HSD17B12: variants seen among roughly 807,000 people sequenced by gnomAD.
HSD17B12 encodes very-long-chain 3-oxoacyl-CoA reductase.
A neutral mutation model predicts 39.3 loss-of-function variants in HSD17B12; 32 were observed. The observed-to-expected ratio is 0.81, with a 90% CI of 0.61 to 1.09. The LOEUF (loss-of-function observed/expected upper bound fraction) is 1.09, where lower values mean the gene tolerates loss of function less well. HSD17B12 is among the 50% of genes least tolerant of loss of function. HSD17B12 has a pLI of 0.00. For missense variants in HSD17B12, 342 were observed against 382.9 expected (o/e 0.89, Z 0.89); for synonymous variants, 150 against 146.7 (o/e 1.02, Z -0.16).
At chr11:43,846,214 C>T (rs2135139662) in intron 9 of HSD17B12, among the ~76,000 whole-genome samples, 1 of 152,314 alleles carries the variant, frequency 6.6e-6, no homozygotes, top group African/African-American at 2.4e-5. Flanking sequence ...GATAAAAGCA[C>T]TCCAAGCTGG....
chr11:43,573,765 C>CCCA, the HSD17B12 span, among the ~76,000 whole-genome samples: 3 of 152,160 alleles, frequency 2.0e-5, no homozygotes, highest in Non-Finnish European at 4.4e-5. Flanking sequence ...TGTGAATGTG[C>CCCA]CCACACACAT....
At chr11:43,583,332 G>A in the HSD17B12 span, among the ~76,000 whole-genome samples, 5 of 152,182 alleles carry the variant, frequency 3.3e-5, no homozygotes, top group Admixed American at 6.5e-5. Context: ...GCACCGGAGC[G>A]AGTCCTCTCC....
At chr11:43,665,007 G>A in the HSD17B12 span, among the ~76,000 whole-genome samples, 1 of 152,194 alleles carries the variant, frequency 6.6e-6, no homozygotes, top group Admixed American at 6.5e-5. Flanking sequence ...ATCCAGATCA[G>A]AAAGAGACCC....
At chr11:43,639,979 A>G in the HSD17B12 span, among the ~76,000 whole-genome samples, 1 of 152,228 alleles carries the variant, frequency 6.6e-6, no homozygotes, top group African/African-American at 2.4e-5. Context: ...CAAGTCCACA[A>G]GTACCTAGTA....
At chr11:43,599,730 C>T in the HSD17B12 span, among the ~76,000 whole-genome samples, 2 of 152,114 alleles carry the variant, frequency 1.3e-5, no homozygotes, top group Non-Finnish European at 2.9e-5. Context: ...TTCCTAGGCA[C>T]AGACAGAACA....
At chr11:43,659,721 A>T in the HSD17B12 span, among the ~76,000 whole-genome samples, 11 of 152,226 alleles carry the variant, frequency 7.2e-5, no homozygotes, top group East Asian at 2.1e-3. Flanking sequence ...TGAAGGATTC[A>T]TCTCCAGGAT....
chr11:43,762,690 T>C (rs759057549), intron 3 of HSD17B12, among the ~76,000 whole-genome samples: 1 of 152,210 alleles, frequency 6.6e-6, no homozygotes, highest in Non-Finnish European at 1.5e-5. Context: ...GGTATGAGCC[T>C]TATCATGGAC....
At chr11:43,795,913 G>A (rs551468012) in intron 3 of HSD17B12, among the ~76,000 whole-genome samples, 1 of 152,060 alleles carries the variant, frequency 6.6e-6, no homozygotes, top group Non-Finnish European at 1.5e-5. Flanking sequence ...AGGAGTGCTG[G>A]GGGGGATGGT....
At chr11:43,667,118 A>G in the HSD17B12 span, among the ~76,000 whole-genome samples, 1 of 152,174 alleles carries the variant, frequency 6.6e-6, no homozygotes, top group South Asian at 2.1e-4. Flanking sequence ...GATAACTGAT[A>G]CACTATATAG....
At chr11:43,591,029 G>A in the HSD17B12 span, among the ~76,000 whole-genome samples, 81 of 151,916 alleles carry the variant, frequency 5.3e-4, no homozygotes, top group African/African-American at 1.9e-3. Context: ...TTATCTTTCA[G>A]ATTTCTACCA....
rs554009604 is a variant in HSD17B12, at chr11:43,811,164, C to T, written c.392-4273C>T. On this transcript the variant is annotated intron_variant, in intron 4 of 10. Transcript: ENST00000278353. ...CTGTTAGGTTATTGCTGCCACCTGACGTCTCAAAATAAAATTGCCGTGGGT... is the reference window on the plus strand; with the variant it reads ...CTGTTAGGTTATTGCTGCCACCTGATGTCTCAAAATAAAATTGCCGTGGGT... Among the ~76,000 whole-genome samples the T allele has an allele frequency of 3.9e-5, 6 of 152,272 alleles. No homozygotes were observed. In the South Asian group the frequency reaches 8.3e-4, roughly 21 times the overall value.
intron 1 of HSD17B12, among the ~76,000 whole-genome samples, chr11:43,726,548 G>C (rs1474490929): frequency 6.6e-6 from 1 of 152,174 alleles, no homozygotes; most frequent in Non-Finnish European, 1.5e-5. Flanking sequence ...CCAATGCTAA[G>C]CATCACACAT....
chr11:43,603,378 A>C, the HSD17B12 span, among the ~76,000 whole-genome samples: 1 of 152,226 alleles, frequency 6.6e-6, no homozygotes, highest in Non-Finnish European at 1.5e-5. Context: ...TTATTAAAAA[A>C]AAACTTTAGG....
chr11:43,850,108 T>C (rs1951516317), intron 9 of HSD17B12, among the ~76,000 whole-genome samples: 2 of 152,212 alleles, frequency 1.3e-5, no homozygotes, highest in African/African-American at 4.8e-5. Context: ...TTCATTGCTA[T>C]ATAACCAGGG....
At chr11:43,672,834 C>A in the HSD17B12 span, among the ~76,000 whole-genome samples, 1 of 152,228 alleles carries the variant, frequency 6.6e-6, no homozygotes, top group South Asian at 2.1e-4. Flanking sequence ...AGTCGCCGCA[C>A]CCTGGCCAAT....
intron 4 of HSD17B12, 115 bp downstream of exon 4, chr11:43,798,542 A>C: frequency 1.6e-6 from 1 of 625,700 alleles, no homozygotes; most frequent in Non-Finnish European, 2.8e-6. Context: ...ATTACGTAAG[A>C]CATTATCAGT....
At chr11:43,621,728 A>G in the HSD17B12 span, among the ~76,000 whole-genome samples, 2 of 152,172 alleles carry the variant, frequency 1.3e-5, no homozygotes, top group African/African-American at 4.8e-5. Context: ...AAACAAAAAC[A>G]AATATTTTCC....
intron 6 of HSD17B12, among the ~76,000 whole-genome samples, chr11:43,825,869 A>C (rs1419115291): frequency 6.6e-6 from 1 of 152,204 alleles, no homozygotes; most frequent in African/African-American, 2.4e-5. Context: ...TTTCACCTCC[A>C]AATGAAGCTA....
chr11:43,619,200 TA>T, the HSD17B12 span, among the ~76,000 whole-genome samples: 1 of 49,552 alleles, frequency 2.0e-5, no homozygotes, highest in African/African-American at 6.9e-5. Flanking sequence ...ATATATATGA[TA>T]TATATATATA....
Sources: allele counts gnomAD v4.1 joint callset (sites outside exome capture counted in the v4.1 genomes callset), GRCh38; gene constraint gnomAD v4.1.1; transcripts MANE v1.5; gene names NCBI Gene and HGNC (gene_info 2026-07-23, HGNC 2026-07-21).